SLC33A1: variants seen among roughly 807,000 people sequenced by gnomAD.
SLC33A1 encodes the protein solute carrier family 33 member 1.
SLC33A1 carries 20 observed loss-of-function variants against 50.0 expected under a neutral mutation model. The ratio of observed to expected loss-of-function variants is 0.40; its 90% CI spans 0.28 to 0.58. The LOEUF (loss-of-function observed/expected upper bound fraction) is 0.58, where lower values mean the gene tolerates loss of function less well. SLC33A1 is among the 20% of genes least tolerant of loss of function. The pLI, the probability that SLC33A1 is intolerant of heterozygous loss-of-function variation, is 0.44. For synonymous variants in SLC33A1, 265 were observed against 251.8 expected, an observed-to-expected ratio of 1.05 and a Z score of -0.50; for missense variants, 476 against 657.0, an observed-to-expected ratio of 0.72 and a Z score of 3.01.
At chr3:155,842,395 A>T (rs770599492) in intron 2 of SLC33A1, 37 bp downstream of exon 2, 3 of 1,375,852 alleles carry the variant, frequency 2.2e-6, no homozygotes, top group East Asian at 4.7e-5. Flanking sequence ...ATTGATACTT[A>T]TAAGAAAATG....
In SLC33A1 at chr3:155,821,448, A is replaced by C. The variant is rs1186293675; in HGVS notation, c.*6762T>G. ...CAATATAATTTGACAGTGGTAATTT[A>C]TCAATTTACCAAATATGCCACTTCC... is the stretch of plus-strand genomic sequence containing the variant. On this transcript the variant is annotated 3_prime_UTR_variant, in exon 6 of 6. Transcript: ENST00000643144. 6.6e-6 allele frequency: 1 copy of C among 152,232 alleles called. No individual in the cohort carries two copies. Among genetic ancestry groups the C allele is most frequent in the Non-Finnish European group, 1.5e-5 (1 of 68,054 alleles). The allele number at this position is 152,232 out of a possible 1,614,324, so 9.4% of individuals were successfully genotyped here.
chr3:155,850,501 C>T (rs1753354989), intron 1 of SLC33A1, among the ~76,000 whole-genome samples: 1 of 152,138 alleles, frequency 6.6e-6, no homozygotes, highest in African/African-American at 2.4e-5. Context: ...ATTGGTAAAA[C>T]ATCATTCCAG....
At position 155,825,108 on chromosome 3, in the gene SLC33A1, T is replaced by C. The variant is rs2109298267; in HGVS notation, c.*3102A>G. The C allele has an allele frequency of 6.6e-6, 1 of 152,176 alleles. No individual in the cohort carries two copies. The highest frequency in any genetic ancestry group is 2.4e-5 in the African/African-American group (1 of 41,528). 9.4% of individuals were successfully genotyped at this position (152,176 alleles called of 1,614,324 possible). ...ATTTTTTATTAGCTGGGCATAGTGC[T>C]GTGTGCCTGTAGTCCTAGCTACCAG... On this transcript the variant is annotated 3_prime_UTR_variant, in exon 6 of 6. Coordinates refer to ENST00000643144, the MANE Select transcript of SLC33A1 (RefSeq NM_004733.4).
chr3:155,848,507 C>T (rs1324229129), intron 1 of SLC33A1, among the ~76,000 whole-genome samples: 8 of 152,104 alleles, frequency 5.3e-5, no homozygotes, highest in Non-Finnish European at 1.2e-4. Context: ...ATGGTGCAAC[C>T]CTGTCTCTAC....
At chr3:155,844,128 C>T (rs7622955) in intron 1 of SLC33A1, among the ~76,000 whole-genome samples, 3,772 of 152,174 alleles carry the variant, frequency 0.025, 153 homozygotes, top group African/African-American at 0.086. Flanking sequence ...AAGGTGATCA[C>T]TACAGTTTGA....
chr3:155,821,871 C>G lies in SLC33A1; in HGVS notation c.*6339G>C, dbSNP rs1044683918. The G allele has an allele frequency of 9.2e-5, 14 of 151,486 alleles. No homozygotes were observed. The highest frequency in any genetic ancestry group is 3.4e-4 in the African/African-American group (14 of 41,168). 9.4% of individuals were successfully genotyped at this position (151,486 alleles called of 1,614,324 possible). On this transcript the variant is annotated 3_prime_UTR_variant, in exon 6 of 6. Transcript: ENST00000643144. ...CACTGCAACATCCCTCTCTCAGGTT[C>G]AACCGATTCTCCTGCCTCAGCCTCC...
chr3:155,842,390 T>A (rs1396527304), intron 2 of SLC33A1, 42 bp downstream of exon 2: 1 of 1,287,612 alleles, frequency 7.8e-7, no homozygotes, highest in African/African-American at 1.5e-5. Flanking sequence ...ATGATATTGA[T>A]ACTTATAAGA....
chr3:155,840,890 C>G (rs369678354), intron 2 of SLC33A1, among the ~76,000 whole-genome samples: 4 of 152,118 alleles, frequency 2.6e-5, no homozygotes, highest in African/African-American at 9.6e-5. Context: ...GAGACTGAGG[C>G]AGGAGAATCG....
At chr3:155,831,719 T>C (rs1752443192) in intron 4 of SLC33A1, among the ~76,000 whole-genome samples, 1 of 152,098 alleles carries the variant, frequency 6.6e-6, no homozygotes, top group African/African-American at 2.4e-5. Context: ...GTTAAAGTAT[T>C]TCTTTAACCT....
chr3:155,842,109 C>A (rs935573738), intron 2 of SLC33A1, among the ~76,000 whole-genome samples: 4 of 152,088 alleles, frequency 2.6e-5, no homozygotes, highest in Admixed American at 1.3e-4. Context: ...TAAATGTATA[C>A]TCATTATAAG....
intron 2 of SLC33A1, among the ~76,000 whole-genome samples, chr3:155,836,359 C>T (rs186529063): frequency 8.8e-5 from 10 of 113,718 alleles, no homozygotes; most frequent in African/African-American, 3.3e-4. Context: ...AAATAGTATA[C>T]ACGGTAACTT....
chr3:155,849,871 G>A (rs1753328590), intron 1 of SLC33A1, among the ~76,000 whole-genome samples: 1 of 148,142 alleles, frequency 6.8e-6, no homozygotes, highest in Admixed American at 6.8e-5. Flanking sequence ...TCATACCACT[G>A]CACTCTACCC....
chr3:155,848,415 G>A (rs1038563877), intron 1 of SLC33A1, among the ~76,000 whole-genome samples: 9 of 152,172 alleles, frequency 5.9e-5, no homozygotes, highest in Non-Finnish European at 1.0e-4. Flanking sequence ...GGGCATGGTG[G>A]CTCCCACCTG....
At chr3:155,840,324 G>A (rs572402740) in intron 2 of SLC33A1, among the ~76,000 whole-genome samples, 16 of 152,008 alleles carry the variant, frequency 1.1e-4, no homozygotes, top group African/African-American at 3.1e-4. Flanking sequence ...CTGGCCTCAA[G>A]TGATCAGCCC....
chr3:155,841,027 A>G (rs1330075611), intron 2 of SLC33A1, among the ~76,000 whole-genome samples: 1 of 151,518 alleles, frequency 6.6e-6, no homozygotes, highest in East Asian at 1.9e-4. Flanking sequence ...TGAACTTTTC[A>G]TATTTTCTGA....
chr3:155,848,002 C>A (rs1753248754), intron 1 of SLC33A1, among the ~76,000 whole-genome samples: 1 of 152,180 alleles, frequency 6.6e-6, no homozygotes, highest in Non-Finnish European at 1.5e-5. Flanking sequence ...ATACACTGCT[C>A]CCTATTCCAA....
rs1181174583 is a variant in SLC33A1, at chr3:155,824,481, G to A, written c.*3729C>T. 6.6e-6 allele frequency: 1 copy of A among 152,120 alleles called. No homozygotes were observed. The highest frequency in any genetic ancestry group is 2.4e-5 in the African/African-American group (1 of 41,434). The allele number at this position is 152,120 out of a possible 1,614,324, so 9.4% of individuals were successfully genotyped here. A position where few individuals can be genotyped will look rare whatever the true frequency, so the allele number is the denominator to read the frequency against. ...AAATCATGAAGATTTCTCTTTTGTAGGATATAATTCACCCCTGTGGTTTCT... is the reference window on the plus strand; with the variant it reads ...AAATCATGAAGATTTCTCTTTTGTAAGATATAATTCACCCCTGTGGTTTCT... On this transcript the variant is annotated 3_prime_UTR_variant, in exon 6 of 6. Coordinates refer to ENST00000643144, the MANE Select transcript of SLC33A1 (RefSeq NM_004733.4).
chr3:155,844,814 G>C (rs1402287488), intron 1 of SLC33A1: 1 of 151,956 alleles, frequency 6.6e-6, no homozygotes. Flanking sequence ...AATCTGGTTC[G>C]AAAGGAATGA....
intron 2 of SLC33A1, among the ~76,000 whole-genome samples, chr3:155,836,743 T>C (rs529608049): frequency 3.0e-4 from 46 of 152,234 alleles, no homozygotes; most frequent in Non-Finnish European, 1.3e-4. Flanking sequence ...CAAAATATTT[T>C]TTTTAATTTA....
Sources: gnomAD v4.1 joint callset for allele counts (sites outside exome capture counted in the v4.1 genomes callset) on GRCh38, gnomAD v4.1.1 for gene constraint, MANE v1.5 for transcripts, NCBI Gene and HGNC (gene_info 2026-07-23, HGNC 2026-07-21) for gene names.